Variants in LTF observed in about 807,000 individuals in gnomAD.
The protein encoded by LTF is lactotransferrin.
Under a neutral mutation model 87.2 loss-of-function variants are expected in LTF, and 91 were observed. The observed-to-expected ratio is 1.04, with a 90% CI of 0.88 to 1.24. The LOEUF (loss-of-function observed/expected upper bound fraction) is 1.24. Ranked by LOEUF, LTF falls within the 50% of genes most tolerant of loss-of-function variation. LTF has a pLI of 0.00. For synonymous variants in LTF, 378 were observed against 356.1 expected, an observed-to-expected ratio of 1.06 and a Z score of -0.69; for missense variants, 901 against 904.3, an observed-to-expected ratio of 1.00 and a Z score of 0.05.
At chr3:46,451,219 A>G (rs781088645) in intron 6 of LTF, among the ~76,000 whole-genome samples, 13 of 152,242 alleles carry the variant, frequency 8.5e-5, no homozygotes, top group Non-Finnish European at 1.2e-4. Flanking sequence ...GTAAAGTGAA[A>G]AAAATCTTGC....
Position 46,446,579 on chromosome 3 carries a change from T to A in LTF, c.1304-86A>T, listed in dbSNP as rs530150061. The A allele has an allele frequency of 2.9e-5, 35 of 1,193,218 alleles. No homozygotes were observed. The South Asian group carries it at 4.5e-4, about 15-fold the overall frequency. The allele number at this position is 1,193,218 out of a possible 1,614,324, so 73.9% of individuals were successfully genotyped here. A position where few individuals can be genotyped will look rare whatever the true frequency, so the allele number is the denominator to read the frequency against. ...ACTCTTAAATCTCAATGATGCAGAA[T>A]CAAATCCAAAGAGACCGTCCCAGCA... On this transcript the variant is annotated intron_variant, in intron 10 of 16. Transcript: ENST00000231751.
chr3:46,448,458 G>T lies in LTF; in HGVS notation c.1212+405C>A, dbSNP rs112216039. Among the ~76,000 whole-genome samples the T allele has an allele frequency of 1.2e-3, 177 of 152,192 alleles. 3 individuals are homozygous for T. Among genetic ancestry groups the T allele is most frequent in the South Asian group, 5.6e-3 (27 of 4,814 alleles). The stretch of plus-strand genomic sequence containing the variant: ...TGTTTAGTGAAAAGGGCTTAAAAAC[G>T]ACATACTGCAACACTTCATTATTGT... On this transcript the variant is annotated intron_variant, in intron 9 of 16. Transcript: ENST00000231751.
intron 14 of LTF, 148 bp from the exon 15 acceptor site, chr3:46,439,628 A>G (rs1575304178): frequency 1.6e-6 from 1 of 634,988 alleles, no homozygotes; most frequent in East Asian, 2.8e-5. Context: ...GCTTCATCCT[A>G]CACAAGCTGT....
Position 46,445,320 on chromosome 3 carries a change from T to C in LTF, c.1474A>G (p.Met492Val), listed in dbSNP as rs1702624389. ...CCCGTCTGGTTGAAGAGCAGGCCCA[T>C]GGGGATATTCCAGCCTGCAGTCCTG... ...VDRTAGWNIP[M>V]GLLFNQTGSC... Residue 492 changes from methionine to valine, a missense_variant, in exon 12 of 17, where the codon ATG becomes GTG. Met to Val is a conservative substitution (Grantham distance 21, BLOSUM62 1). Transcript: ENST00000231751. The C allele has an allele frequency of 6.2e-7, 1 of 1,613,424 alleles. No individual in the cohort carries two copies. The highest frequency in any genetic ancestry group is 8.5e-7 in the Non-Finnish European group (1 of 1,179,764).
At position 46,450,569 on chromosome 3, in the gene LTF, G is replaced by C. The variant is rs1702778403; in HGVS notation, c.808C>G (p.Pro270Ala). The C allele has an allele frequency of 6.2e-7, 1 of 1,613,990 alleles. No homozygotes were observed. Among genetic ancestry groups the C allele is most frequent in the African/African-American group, 1.3e-5 (1 of 74,896 alleles). ...CTTCGTGCCACAACGGCATGAGAAG[G>C]GACCCGGGCCAGATGGCAGTCTTTG... ...KFKDCHLARVPSHAVVARSVN... is the reference protein window; with the variant it reads ...KFKDCHLARVASHAVVARSVN... Residue 270 changes from proline to alanine, a missense_variant, in exon 7 of 17, where the codon CCT becomes GCT. Pro to Ala is a conservative substitution (Grantham distance 27). Coordinates refer to ENST00000231751, the MANE Select transcript of LTF (RefSeq NM_002343.6).
chr3:46,443,703 T>C (rs924533287), intron 12 of LTF, 121 bp from the exon 13 acceptor site: 2 of 862,770 alleles, frequency 2.3e-6, no homozygotes, highest in African/African-American at 1.7e-5. Flanking sequence ...GCAATCTAGA[T>C]AGAACACACT....
intron 11 of LTF, among the ~76,000 whole-genome samples, chr3:46,446,062 C>T (rs539158674): frequency 1.2e-3 from 183 of 152,292 alleles, no homozygotes; most frequent in Middle Eastern, 3.4e-3. Flanking sequence ...ACACGAGTCC[C>T]AGGTCACGAG....
intron 15 of LTF, among the ~76,000 whole-genome samples, chr3:46,438,973 G>A (rs778543530): frequency 7.9e-5 from 12 of 152,090 alleles, no homozygotes; most frequent in Non-Finnish European, 1.6e-4. Context: ...CATGTGGGAG[G>A]AAGGCTCAGT....
rs150435429 is a variant in LTF at position 46,445,519 on chromosome 3, A to G, written c.1358-83T>C. 8.4e-4 allele frequency: 980 copies of G among 1,173,036 alleles called. 5 individuals are homozygous for G. The African/African-American group carries it at 0.013, about 15-fold the overall frequency. 72.7% of individuals were successfully genotyped at this position (1,173,036 alleles called of 1,614,324 possible). Reference sequence around the variant, plus strand: ...ATTCCAGTGGAGCTGTCTACAGCCCAGGCCAAAACAGGCCAAGAAGCAACA... The same window carrying G: ...ATTCCAGTGGAGCTGTCTACAGCCCGGGCCAAAACAGGCCAAGAAGCAACA... On this transcript the variant is annotated intron_variant, in intron 11 of 16. Coordinates refer to ENST00000231751, the MANE Select transcript of LTF (RefSeq NM_002343.6).
At chr3:46,473,686 C>T (rs151287282) in intron 1 of LTF, among the ~76,000 whole-genome samples, 6 of 152,302 alleles carry the variant, frequency 3.9e-5, no homozygotes, top group African/African-American at 7.2e-5. Flanking sequence ...CTGTGGCTCT[C>T]GTTACATCTC....
chr3:46,480,578 C>G (rs1703419663), intron 1 of LTF, among the ~76,000 whole-genome samples: 1 of 152,168 alleles, frequency 6.6e-6, no homozygotes, highest in Non-Finnish European at 1.5e-5. Context: ...CAAATTAAAA[C>G]CTGCTTGTGG....
At chr3:46,447,183 T>C in intron 10 of LTF, 125 bp downstream of exon 10, 1 of 695,742 alleles carries the variant, frequency 1.4e-6, no homozygotes, top group Non-Finnish European at 2.5e-6. Flanking sequence ...CTTCTTTCCC[T>C]GATTCTCCCT....
chr3:46,470,499 C>G (rs1193130969), intron 1 of LTF: 7 of 152,348 alleles, frequency 4.6e-5, no homozygotes, highest in African/African-American at 1.7e-4. Context: ...ATCCTTCACT[C>G]AGTAGGAGCC....
chr3:46,447,468 T>C (rs943065910), intron 9 of LTF, 70 bp from the exon 10 acceptor site: 2 of 1,061,068 alleles, frequency 1.9e-6, no homozygotes, highest in Non-Finnish European at 2.9e-6. Context: ...TATATAGCTC[T>C]CTGAGAGAAT....
Position 46,456,405 on chromosome 3 carries a change from G to A in LTF, c.208-7C>T, listed in dbSNP as rs1702935550. 6 of 1,611,766 alleles carry A rather than the reference G, an allele frequency of 3.7e-6. No individual in the cohort carries two copies. Among genetic ancestry groups the A allele is most frequent in the Non-Finnish European group, 5.1e-6 (6 of 1,177,866 alleles). ...CAGCATCGGCCCTGTTTTCCTGAAA[G>A]TAAAGAGGCCAGACTGGCTTCAGCA... On this transcript the variant is annotated splice_region_variant and splice_polypyrimidine_tract_variant and intron_variant, in intron 2 of 16. Coordinates refer to ENST00000231751, the MANE Select transcript of LTF (RefSeq NM_002343.6).
chr3:46,452,757 G>A (rs934857316), intron 6 of LTF, among the ~76,000 whole-genome samples: 5 of 152,130 alleles, frequency 3.3e-5, no homozygotes, highest in Non-Finnish European at 7.4e-5. Context: ...CTTCACATAT[G>A]GCAGAAAAAA....
At chr3:46,475,515 AACACACACACACACACACAC>A (rs59984149) in intron 1 of LTF, among the ~76,000 whole-genome samples, 161 of 131,068 alleles carry the variant, frequency 1.2e-3, no homozygotes, top group Middle Eastern at 0.012. Flanking sequence ...TCTCCCCCTA[AACACACACACACACACACAC>A]ACACACACAC....
chr3:46,451,987 G>A (rs1021754141), intron 6 of LTF, among the ~76,000 whole-genome samples: 1 of 152,114 alleles, frequency 6.6e-6, no homozygotes, highest in Admixed American at 6.6e-5. Flanking sequence ...TCAGGAACAA[G>A]GCAAGGATGC....
chr3:46,441,527 C>A (rs1366099557), intron 13 of LTF, 44 bp from the exon 14 acceptor site: 1 of 1,373,512 alleles, frequency 7.3e-7, no homozygotes, highest in Non-Finnish European at 1.0e-6. Flanking sequence ...AGAAGAGAAA[C>A]TAGTGGGGCT....
Sources: gnomAD v4.1 joint callset for allele counts (sites outside exome capture counted in the v4.1 genomes callset) on GRCh38, gnomAD v4.1.1 for gene constraint, MANE v1.5 for transcripts, NCBI Gene and HGNC (gene_info 2026-07-23, HGNC 2026-07-21) for gene names.